Variants in RPGRIP1 observed in about 807,000 individuals in gnomAD.
RPGRIP1 encodes RPGR interacting protein 1, also known as X-linked retinitis pigmentosa GTPase regulator-interacting protein 1.
Under a neutral mutation model 157.9 loss-of-function variants are expected in RPGRIP1, and 128 were observed. The ratio of observed to expected loss-of-function variants is 0.81; its 90% CI spans 0.70 to 0.94. RPGRIP1 has a LOEUF of 0.94. Ranked by LOEUF, RPGRIP1 falls within the 40% of genes least tolerant of loss-of-function variation. The pLI, the probability that RPGRIP1 is intolerant of heterozygous loss-of-function variation, is 0.00. For missense variants in RPGRIP1, 1,486 were observed against 1,545.8 expected (o/e 0.96, Z 0.65); for synonymous variants, 554 against 571.6 (o/e 0.97, Z 0.44).
chr14:21,337,007 A>G (rs28377926), intron 21 of RPGRIP1, among the ~76,000 whole-genome samples: 28,050 of 152,238 alleles, frequency 0.18, 3,298 homozygotes, highest in African/African-American at 0.33. Context: ...CGTACAACAC[A>G]GGCACATATA....
At chr14:21,309,971 G>C (rs1282249859) in intron 7 of RPGRIP1, among the ~76,000 whole-genome samples, 1 of 152,058 alleles carries the variant, frequency 6.6e-6, no homozygotes, top group Non-Finnish European at 1.5e-5. Context: ...TGTAATCTCA[G>C]CTACTTGGGA....
chr14:21,309,546 T>G (rs1042312612), intron 7 of RPGRIP1, among the ~76,000 whole-genome samples: 10 of 152,032 alleles, frequency 6.6e-5, no homozygotes, highest in Admixed American at 4.6e-4. Context: ...AAGGAATAGA[T>G]TTGTGAGTTA....
At chr14:21,340,164 G>A (rs552762495) in intron 21 of RPGRIP1, among the ~76,000 whole-genome samples, 1 of 152,286 alleles carries the variant, frequency 6.6e-6, no homozygotes, top group East Asian at 1.9e-4. Context: ...TTTACCTGAG[G>A]AGTGGGAAAT....
chr14:21,311,788 A>G (rs1881550582), intron 8 of RPGRIP1, 36 bp from the exon 9 acceptor site: 1 of 1,571,892 alleles, frequency 6.4e-7, no homozygotes, highest in East Asian at 2.3e-5. Flanking sequence ...GCTGAGTGAT[A>G]TGACCATTCC....
chr14:21,281,161 G>C (rs1880110975), intron 1 of RPGRIP1, among the ~76,000 whole-genome samples: 1 of 151,794 alleles, frequency 6.6e-6, no homozygotes, highest in Non-Finnish European at 1.5e-5. Context: ...GGGACTACAG[G>C]TGCGCACCAC....
At position 21,351,147 on chromosome 14, in the gene RPGRIP1, G is replaced by A. The variant is rs1479623307; in HGVS notation, c.3792G>A (p.Lys1264=). 12 of 1,612,812 alleles carry A rather than the reference G, an allele frequency of 7.4e-6. No individual in the cohort carries two copies. Among genetic ancestry groups the A allele is most frequent in the Non-Finnish European group, 1.0e-5 (12 of 1,179,402 alleles). ...EDLATPIGRL[K]VSLQAAAVLH... ...TGGCTACCCCAATAGGAAGGCTGAAGGTTTCCCTTCAAGCAGCTGCTGTCC... is the reference window on the plus strand; with the variant it reads ...TGGCTACCCCAATAGGAAGGCTGAAAGTTTCCCTTCAAGCAGCTGCTGTCC... Residue 1264 remains lysine (K), a synonymous_variant, in exon 25 of 25, where the codon AAG becomes AAA. Coordinates refer to ENST00000400017, the MANE Select transcript of RPGRIP1 (RefSeq NM_020366.4).
At chr14:21,290,818 C>CA (rs111616598) in intron 2 of RPGRIP1, among the ~76,000 whole-genome samples, 36,022 of 114,618 alleles carry the variant, frequency 0.31, 5,241 homozygotes, top group Middle Eastern at 0.37. Context: ...GACTCCGTCT[C>CA]AAAAAAAAAA....
intron 1 of RPGRIP1, among the ~76,000 whole-genome samples, chr14:21,287,282 C>T (rs1044470727): frequency 2.0e-5 from 3 of 152,060 alleles, no homozygotes; most frequent in Admixed American, 1.3e-4. Flanking sequence ...CCTGTAATCC[C>T]GGCTAGACTG....
intron 21 of RPGRIP1, among the ~76,000 whole-genome samples, chr14:21,337,854 C>T (rs1034479300): frequency 3.3e-5 from 5 of 149,688 alleles, no homozygotes; most frequent in African/African-American, 9.9e-5. Context: ...CTCCCGGGTT[C>T]AAGCGACTCT....
intron 24 of RPGRIP1, among the ~76,000 whole-genome samples, chr14:21,350,213 T>C (rs958083603): frequency 2.0e-5 from 3 of 151,882 alleles, no homozygotes; most frequent in Non-Finnish European, 4.4e-5. Flanking sequence ...CCATCTCTAC[T>C]AAAAATACAA....
At chr14:21,298,224 C>T (rs1225233098) in intron 3 of RPGRIP1, among the ~76,000 whole-genome samples, 1 of 151,986 alleles carries the variant, frequency 6.6e-6, no homozygotes, top group African/African-American at 2.4e-5. Flanking sequence ...AGTGGCTGGG[C>T]ACGGTGGCTC....
intron 23 of RPGRIP1, 35 bp from the exon 24 acceptor site, chr14:21,348,137 T>G (rs1885750806): frequency 6.7e-7 from 1 of 1,495,808 alleles, no homozygotes; most frequent in Admixed American, 2.3e-5. Flanking sequence ...ATTAAGAGTA[T>G]CAACAGTGCT....
chr14:21,318,343 C>T (rs8010980), intron 11 of RPGRIP1: 113,715 of 312,430 alleles, frequency 0.36, 21,946 homozygotes, highest in East Asian at 0.41. Flanking sequence ...AACTCCTGAC[C>T]TCAGATGATC....
Position 21,326,147 on chromosome 14 carries a change from C to A in RPGRIP1, c.2684C>A (p.Pro895His), listed in dbSNP as rs2139237508. Residue 895 changes from proline (P) to histidine (H), a missense_variant, in exon 17 of 25, where the codon CCT (proline) becomes CAT (histidine). Pro to His is a moderately conservative substitution (Grantham distance 77). Transcript: ENST00000400017. ...YLGRARVPLLPLAKNESIKGD... is the reference protein window; with the variant it reads ...YLGRARVPLLHLAKNESIKGD... ...GGCCGAGCCCGAGTGCCTTTACTGC[C>A]TCTTGCAAAAAATGAATCTATCAAA... is the stretch of plus-strand genomic sequence containing the variant. The A allele has an allele frequency of 1.3e-6, 2 of 1,574,930 alleles. No homozygotes were observed. Among genetic ancestry groups the A allele is most frequent in the African/African-American group, 1.4e-5 (1 of 73,452 alleles).
In RPGRIP1 at chr14:21,349,068, A is replaced by ATTT. The variant is rs397709409; in HGVS notation, c.3748+784_3748+786dup. ...AATTGACTATGCTCTCCTTACTACAATTTTTTTTTTTTTTTTTTTTGAGAC... is the reference window on the plus strand; with the variant it reads ...AATTGACTATGCTCTCCTTACTACAATTTTTTTTTTTTTTTTTTTTTTTGAGAC... On this transcript the variant is annotated intron_variant, in intron 24 of 24. Transcript: ENST00000400017. 3.8e-3 allele frequency among the ~76,000 whole-genome samples: 428 copies of ATTT among 113,388 alleles called. 24 individuals are homozygous for ATTT. The highest frequency in any genetic ancestry group is 0.027 in the East Asian group (102 of 3,844). The allele number at this position is 113,388 out of a possible 152,430, so 74.4% of individuals were successfully genotyped here.
intron 21 of RPGRIP1, among the ~76,000 whole-genome samples, chr14:21,336,385 A>G (rs569020142): frequency 3.9e-5 from 6 of 152,222 alleles, no homozygotes; most frequent in Non-Finnish European, 7.4e-5. Flanking sequence ...AAATTTAAAA[A>G]CTAGCTAGGC....
rs6571751 is a variant in RPGRIP1 at position 21,302,571 on chromosome 14, A to G, written c.574A>G (p.Lys192Glu). ...TGAAAACAGAGGTGAAGTAGCCAGTAAACCCAGTGAACTGTGAGTTCTTCT... is the reference window on the plus strand; with the variant it reads ...TGAAAACAGAGGTGAAGTAGCCAGTGAACCCAGTGAACTGTGAGTTCTTCT... ...TNENRGEVASKPSELVSGSNS... is the reference protein window; with the variant it reads ...TNENRGEVASEPSELVSGSNS... Residue 192 changes from lysine (K) to glutamate (E), a missense_variant, in exon 5 of 25, where the codon AAA (lysine) becomes GAA (glutamate). Lys to Glu is a moderately conservative substitution (Grantham distance 56). Coordinates refer to ENST00000400017, the MANE Select transcript of RPGRIP1 (RefSeq NM_020366.4). 779,414 of 1,561,794 alleles carry G rather than the reference A, an allele frequency of 0.5. 196,657 individuals carry two copies. Among genetic ancestry groups the G allele is most frequent in the South Asian group, 0.59 (49,677 of 83,586 alleles).
At chr14:21,343,514 G>A (rs1594268007) in intron 22 of RPGRIP1, among the ~76,000 whole-genome samples, 1 of 151,974 alleles carries the variant, frequency 6.6e-6, no homozygotes, top group Admixed American at 6.6e-5. Flanking sequence ...TTTTTGAGGT[G>A]GAGTCTCGCT....
intron 3 of RPGRIP1, among the ~76,000 whole-genome samples, chr14:21,299,009 A>G (rs921255308): frequency 6.8e-6 from 1 of 147,474 alleles, no homozygotes; most frequent in African/African-American, 2.5e-5. Context: ...AGCACTCTTC[A>G]GAGTTGGTGA....
Sources: allele counts gnomAD v4.1 joint callset (sites outside exome capture counted in the v4.1 genomes callset), GRCh38; gene constraint gnomAD v4.1.1; transcripts MANE v1.5; gene names NCBI Gene and HGNC (gene_info 2026-07-23, HGNC 2026-07-21).